DTL: variants seen among roughly 807,000 people sequenced by gnomAD.
The protein encoded by DTL is denticleless protein homolog.
In DTL, 46 loss-of-function variants were observed where a neutral mutation model predicts 87.0. The observed-to-expected ratio is 0.53, with a 90% confidence interval of 0.42 to 0.68. The LOEUF is 0.68. DTL is among the 30% of genes least tolerant of loss of function. DTL has a pLI of 0.00. For synonymous variants in DTL, 308 were observed against 311.2 expected (o/e 0.99, Z 0.11); for missense variants, 737 against 869.4 (o/e 0.85, Z 1.91).
chr1:212,093,597 G>A (rs1041677676), intron 13 of DTL, among the ~76,000 whole-genome samples: 3 of 152,188 alleles, frequency 2.0e-5, no homozygotes, highest in South Asian at 2.1e-4. Context: ...TCATTCCACC[G>A]GTTGATGCCC....
At chr1:212,096,328 T>C (rs1655450276) in intron 13 of DTL, among the ~76,000 whole-genome samples, 2 of 148,460 alleles carry the variant, frequency 1.3e-5, no homozygotes, top group South Asian at 4.3e-4. Context: ...CAGCTTTTTG[T>C]TTCATTTATC....
intron 5 of DTL, among the ~76,000 whole-genome samples, chr1:212,058,250 C>T (rs1156985011): frequency 2.0e-5 from 3 of 152,168 alleles, no homozygotes; most frequent in Non-Finnish European, 2.9e-5. Flanking sequence ...CTACAGAATA[C>T]ACATTCTTCT....
intron 5 of DTL, among the ~76,000 whole-genome samples, chr1:212,056,463 A>G (rs532476382): frequency 6.6e-6 from 1 of 152,296 alleles, no homozygotes; most frequent in Admixed American, 6.5e-5. Context: ...GTCCTCTCCA[A>G]CCATCACCAT....
chr1:212,062,928 G>A lies in DTL; in HGVS notation c.505G>A (p.Asp169Asn). 6.2e-7 allele frequency: 1 copy of A among 1,613,390 alleles called. No individual in the cohort carries two copies. The highest frequency in any genetic ancestry group is 1.7e-5 in the Admixed American group (1 of 60,018). Residue 169 changes from aspartate to asparagine, a missense_variant, in exon 6 of 15, where the codon GAT becomes AAT. Asp to Asn is a conservative substitution (Grantham distance 23). Coordinates refer to ENST00000366991, the MANE Select transcript of DTL (RefSeq NM_016448.4). Reference protein sequence around the residue: ...GGRDGNIMVWDTRCNKKDGFY... With the variant: ...GGRDGNIMVWNTRCNKKDGFY... Reference sequence around the variant, plus strand: ...AAGAGATGGCAACATTATGGTCTGGGATACCAGGTGCAACAAAAAAGGTTA... The same window carrying A: ...AAGAGATGGCAACATTATGGTCTGGAATACCAGGTGCAACAAAAAAGGTTA...
chr1:212,052,173 C>A (rs1231620883), intron 5 of DTL, among the ~76,000 whole-genome samples: 15 of 152,080 alleles, frequency 9.9e-5, no homozygotes, highest in Non-Finnish European at 2.9e-5. Flanking sequence ...ATATAATATG[C>A]TGTTTTTCCT....
At chr1:212,102,658 G>A (rs115197659) in intron 14 of DTL, among the ~76,000 whole-genome samples, 184 bp from the exon 15 acceptor site, 1,691 of 152,254 alleles carry the variant, frequency 0.011, 34 homozygotes, top group African/African-American at 0.038. Context: ...CATATCATCT[G>A]TTAAGTTTTT....
chr1:212,080,438 G>A lies in DTL; in HGVS notation c.1126-177G>A, dbSNP rs913490558. ...AAGAGTCAGCTTTGTTGGAAATCTG[G>A]AATGATTCCTGAAAGCAAGAAATGG... is the stretch of plus-strand genomic sequence containing the variant. On this transcript the variant is annotated intron_variant, in intron 12 of 14. Coordinates refer to ENST00000366991, the MANE Select transcript of DTL (RefSeq NM_016448.4). 7.1e-6 allele frequency: 4 copies of A among 564,864 alleles called. No individual in the cohort carries two copies. In the African/African-American group the frequency reaches 7.5e-5, roughly 11 times the overall value. 35.0% of individuals were successfully genotyped at this position (564,864 alleles called of 1,614,324 possible).
At chr1:212,036,074 G>A (rs1667443711) in intron 1 of DTL, 132 bp downstream of exon 1, 1 of 796,576 alleles carries the variant, frequency 1.3e-6, no homozygotes, top group African/African-American at 1.7e-5. Context: ...GGGTAAATTA[G>A]TGTTAGCAGG....
At chr1:212,062,377 A>G (rs528426258) in intron 5 of DTL, among the ~76,000 whole-genome samples, 21 of 152,234 alleles carry the variant, frequency 1.4e-4, no homozygotes, top group African/African-American at 5.1e-4. Flanking sequence ...AACAAACTTC[A>G]TATGGATCTG....
chr1:212,038,225 T>C (rs1667543589), intron 1 of DTL, among the ~76,000 whole-genome samples: 1 of 152,214 alleles, frequency 6.6e-6, no homozygotes, highest in African/African-American at 2.4e-5. Flanking sequence ...GCCAATGGCC[T>C]CAAACAGGAA....
At chr1:212,101,803 A>T (rs1486467880) in intron 14 of DTL, among the ~76,000 whole-genome samples, 2 of 152,200 alleles carry the variant, frequency 1.3e-5, no homozygotes. Context: ...GATTGATGGC[A>T]GAAATAGGTT....
intron 11 of DTL, chr1:212,077,494 A>C (rs887081703): frequency 1.3e-5 from 2 of 152,528 alleles, no homozygotes; most frequent in African/African-American, 4.8e-5. Flanking sequence ...TAGAGGAAAA[A>C]AATGTTTTTC....
chr1:212,063,021 T>C (rs1654379263), intron 6 of DTL, 72 bp downstream of exon 6: 7 of 1,087,060 alleles, frequency 6.4e-6, no homozygotes, highest in Non-Finnish European at 9.9e-6. Flanking sequence ...AAAGAGTTAG[T>C]GATTTCATCT....
chr1:212,070,707 G>A (rs143967780), intron 10 of DTL, among the ~76,000 whole-genome samples: 167 of 151,838 alleles, frequency 1.1e-3, no homozygotes, highest in African/African-American at 3.7e-3. Flanking sequence ...TCTTGGATTC[G>A]ATACTTGATC....
At chr1:212,074,730 T>C (rs1489630996) in intron 11 of DTL, among the ~76,000 whole-genome samples, 1 of 152,160 alleles carries the variant, frequency 6.6e-6, no homozygotes, top group Non-Finnish European at 1.5e-5. Context: ...CTCTTCTACG[T>C]GTTCAAAAAG....
At chr1:212,037,192 T>TA (rs1311601783) in intron 1 of DTL, among the ~76,000 whole-genome samples, 2 of 152,180 alleles carry the variant, frequency 1.3e-5, no homozygotes, top group South Asian at 2.1e-4. Flanking sequence ...GGGGAGCTGT[T>TA]CAGCCTCTAT....
rs1654581052 is a variant in DTL at position 212,068,621 on chromosome 1, T to C, written c.840T>C (p.Asp280=). 6.2e-7 allele frequency: 1 copy of C among 1,612,830 alleles called. No individual in the cohort carries two copies. Among genetic ancestry groups the C allele is most frequent in the Admixed American group, 1.7e-5 (1 of 59,944 alleles). Residue 280 remains aspartate, a synonymous_variant, in exon 10 of 15, where the codon GAT becomes GAC. Transcript: ENST00000366991. ...RKLGYSSLIL[D]STGSTLFANC... ...CAGGATATTCAAGTCTGATTTTGGA[T>C]TCCACTGGCTCTACTTTATTTGCTA... is the stretch of plus-strand genomic sequence containing the variant.
At chr1:212,058,599 A>G (rs1668249018) in intron 5 of DTL, among the ~76,000 whole-genome samples, 1 of 152,122 alleles carries the variant, frequency 6.6e-6, no homozygotes, top group Non-Finnish European at 1.5e-5. Context: ...AAAAAAGTAG[A>G]AAGACTTTAA....
At chr1:212,043,187 A>G (rs1321281431) in intron 2 of DTL, 69 bp downstream of exon 2, 1 of 1,435,376 alleles carries the variant, frequency 7.0e-7, no homozygotes, top group Non-Finnish European at 9.3e-7. Flanking sequence ...GGGAAAATAT[A>G]CTAGAGTATT....
Sources: gnomAD v4.1 joint callset for allele counts (sites outside exome capture counted in the v4.1 genomes callset) on GRCh38, gnomAD v4.1.1 for gene constraint, MANE v1.5 for transcripts, NCBI Gene and HGNC (gene_info 2026-07-23, HGNC 2026-07-21) for gene names.